Variants in ELF5 observed in about 807,000 individuals in gnomAD.
The protein encoded by ELF5 is E74 like ETS transcription factor 5, also known as ETS-related transcription factor Elf-5.
ELF5 carries 31 observed loss-of-function variants against 38.2 expected under a neutral mutation model. The observed-to-expected ratio is 0.81, with a 90% CI of 0.61 to 1.10. The LOEUF is 1.10. Ranked by LOEUF, ELF5 falls within the 50% of genes least tolerant of loss-of-function variation. The probability of loss-of-function intolerance (pLI) is 0.00; values close to 1 mark genes in which losing one functional copy is unlikely to be tolerated. For synonymous variants in ELF5, 121 were observed against 112.5 expected (o/e 1.08, Z -0.48); for missense variants, 300 against 306.6 (o/e 0.98, Z 0.16).
chr11:34,483,559 C>A (rs1453998184), intron 4 of ELF5, among the ~76,000 whole-genome samples: 1 of 151,938 alleles, frequency 6.6e-6, no homozygotes, highest in African/African-American at 2.4e-5. Context: ...TACTATACCA[C>A]ACCATACTGT....
At chr11:34,498,295 G>C (rs541379768) in intron 2 of ELF5, among the ~76,000 whole-genome samples, 1 of 152,180 alleles carries the variant, frequency 6.6e-6, no homozygotes, top group East Asian at 1.9e-4. Flanking sequence ...CAATATTAGG[G>C]TTACCTCCTG....
chr11:34,498,125 TTAG>T (rs1850360119), intron 2 of ELF5, among the ~76,000 whole-genome samples: 1 of 152,192 alleles, frequency 6.6e-6, no homozygotes, highest in African/African-American at 2.4e-5. Flanking sequence ...TCTCTCACAC[TTAG>T]TGGTCCTGCC....
rs759157342 is a variant in ELF5, at chr11:34,480,987, A to T, written c.476-20T>A. On this transcript the variant is annotated intron_variant, in intron 5 of 6. Transcript: ENST00000257832. ...GGAGGCCTTTTGAAAAGGGGAAAAC[A>T]TTAACTATTTACCATTGTTTTTTAA... is the stretch of plus-strand genomic sequence containing the variant. The T allele has an allele frequency of 5.8e-6, 9 of 1,545,166 alleles. No individual in the cohort carries two copies. In the Admixed American group the frequency reaches 1.5e-4, roughly 26 times the overall value.
intron 5 of ELF5, among the ~76,000 whole-genome samples, chr11:34,481,435 A>C (rs575432555): frequency 9.2e-5 from 14 of 152,298 alleles, no homozygotes; most frequent in Admixed American, 2.0e-4. Context: ...CTGGAAACTT[A>C]CTGAGCTGTG....
At chr11:34,488,060 C>T (rs1850052121) in intron 4 of ELF5, among the ~76,000 whole-genome samples, 1 of 152,042 alleles carries the variant, frequency 6.6e-6, no homozygotes, top group Non-Finnish European at 1.5e-5. Flanking sequence ...CTATCTCTTC[C>T]TCCAAATAGC....
At chr11:34,504,769 G>T (rs975038590) in intron 2 of ELF5, among the ~76,000 whole-genome samples, 1 of 152,200 alleles carries the variant, frequency 6.6e-6, no homozygotes, top group African/African-American at 2.4e-5. Context: ...GAGGGTTTCT[G>T]GGGGCAAAGC....
At chr11:34,494,816 T>C (rs780700500) in intron 2 of ELF5, among the ~76,000 whole-genome samples, 1 of 152,218 alleles carries the variant, frequency 6.6e-6, no homozygotes, top group Non-Finnish European at 1.5e-5. Flanking sequence ...GTTTCCTTAC[T>C]GGTAAAATTG....
intron 5 of ELF5, among the ~76,000 whole-genome samples, chr11:34,481,914 A>T (rs1181619895): frequency 6.6e-6 from 1 of 152,226 alleles, no homozygotes; most frequent in Non-Finnish European, 1.5e-5. Context: ...CCCAGCACAT[A>T]GCAATTGTTT....
intron 1 of ELF5, 59 bp from the exon 2 acceptor site, chr11:34,505,812 G>C (rs1029609536): frequency 8.4e-6 from 13 of 1,552,206 alleles, no homozygotes; most frequent in Non-Finnish European, 1.0e-5. Context: ...AAGCCACACT[G>C]TGCAGGAGCC....
At position 34,493,644 on chromosome 11, in the gene ELF5, G is replaced by A. The variant is rs1850238132; in HGVS notation, c.190C>T (p.Gln64Ter). The A allele has an allele frequency of 6.2e-7, 1 of 1,614,182 alleles. No individual in the cohort carries two copies. The highest frequency in any genetic ancestry group is 8.5e-7 in the Non-Finnish European group (1 of 1,180,042). Residue 64 changes from glutamine to a stop codon, truncating the protein, a stop_gained, in exon 3 of 7, where the codon CAG (glutamine) becomes TAG (stop). Coordinates refer to ENST00000257832, the MANE Select transcript of ELF5 (RefSeq NM_001422.4). LOFTEE classifies it high-confidence loss of function. ...WTKRHVWEWL[Q>*]FCCDQYKLDT... is the part of the protein sequence containing the mutation. ...AACTTGTACTGGTCGCAGCAGAACT[G>A]GAGCCACTCCCACACATGGCGCTTA...
At chr11:34,485,291 A>G (rs548159467) in intron 4 of ELF5, among the ~76,000 whole-genome samples, 1 of 152,248 alleles carries the variant, frequency 6.6e-6, no homozygotes, top group Non-Finnish European at 1.5e-5. Flanking sequence ...TGTTCAATAG[A>G]CATTTAATGA....
chr11:34,509,330 A>AAACAAC (rs965425175), intron 1 of ELF5, among the ~76,000 whole-genome samples: 1 of 152,000 alleles, frequency 6.6e-6, no homozygotes, highest in South Asian at 2.1e-4. Flanking sequence ...TCTGTCTCGA[A>AAACAAC]AACAACAACA....
intron 6 of ELF5, 37 bp downstream of exon 6, chr11:34,480,735 T>C: frequency 6.2e-7 from 1 of 1,602,836 alleles, no homozygotes; most frequent in South Asian, 1.1e-5. Flanking sequence ...ATATAACTCT[T>C]CTTGAAGGCT....
chr11:34,496,557 G>T (rs1420968985), intron 2 of ELF5, among the ~76,000 whole-genome samples: 1 of 152,188 alleles, frequency 6.6e-6, no homozygotes, highest in Non-Finnish European at 1.5e-5. Context: ...GATGGAACGT[G>T]GTCCCCATCT....
intron 4 of ELF5, among the ~76,000 whole-genome samples, chr11:34,484,487 A>ATC (rs1564974417): frequency 4.5e-3 from 308 of 68,876 alleles, no homozygotes; most frequent in African/African-American, 0.018. Context: ...TACTAACTAT[A>ATC]CTATACTATA....
chr11:34,489,683 G>A (rs1222274404), intron 4 of ELF5, among the ~76,000 whole-genome samples: 1 of 151,308 alleles, frequency 6.6e-6, no homozygotes, highest in Non-Finnish European at 1.5e-5. Flanking sequence ...TGGTTTGGGA[G>A]CATCTACACT....
chr11:34,502,462 C>T (rs1850496645), intron 2 of ELF5, among the ~76,000 whole-genome samples: 1 of 152,236 alleles, frequency 6.6e-6, no homozygotes, highest in Non-Finnish European at 1.5e-5. Flanking sequence ...CAAATGGCTG[C>T]ACCTCTCTGG....
At chr11:34,495,571 T>A (rs945290107) in intron 2 of ELF5, among the ~76,000 whole-genome samples, 14 of 152,214 alleles carry the variant, frequency 9.2e-5, no homozygotes, top group Non-Finnish European at 7.3e-5. Context: ...CTTCCAGAGA[T>A]CTCTTTTACC....
chr11:34,499,016 G>A (rs1428690944), intron 2 of ELF5, among the ~76,000 whole-genome samples: 1 of 151,908 alleles, frequency 6.6e-6, no homozygotes, highest in African/African-American at 2.4e-5. Flanking sequence ...GCTTGAACCC[G>A]GGAGGTGGAG....
Sources: allele counts gnomAD v4.1 joint callset (sites outside exome capture counted in the v4.1 genomes callset), GRCh38; gene constraint gnomAD v4.1.1; transcripts MANE v1.5; gene names NCBI Gene and HGNC (gene_info 2026-07-23, HGNC 2026-07-21).